The following TMEFF2 variants were observed in gnomAD, a reference collection of about 807,000 sequenced individuals.
The protein encoded by TMEFF2 is transmembrane protein with EGF like and two follistatin like domains 2.
Under a neutral mutation model 53.8 loss-of-function variants are expected in TMEFF2, and 28 were observed. The observed-to-expected ratio is 0.52, with a 90% CI of 0.39 to 0.71. The LOEUF (loss-of-function observed/expected upper bound fraction) is 0.71, where lower values mean the gene tolerates loss of function less well. TMEFF2 is among the 30% of genes least tolerant of loss of function. The pLI is 0.00. For synonymous variants in TMEFF2, 162 were observed against 166.3 expected (o/e 0.97, Z 0.20); for missense variants, 353 against 455.2 (o/e 0.78, Z 2.04).
chr2:191,950,066 GA>G lies in TMEFF2; in HGVS notation c.*244del. ...TTATATATAACAAATACATGGGAAA[GA>G]AAAAACTATATTGTGTGATATAAAT... On this transcript the variant is annotated 3_prime_UTR_variant, in exon 10 of 10. Transcript: ENST00000272771. 8.2e-7 allele frequency: 1 copy of G among 1,215,728 alleles called. No homozygotes were observed. The highest frequency in any genetic ancestry group is 1.6e-5 in the African/African-American group (1 of 64,494). The allele number at this position is 1,215,728 out of a possible 1,614,324, so 75.3% of individuals were successfully genotyped here.
At chr2:191,951,137 G>A (rs10197501) in intron 9 of TMEFF2, among the ~76,000 whole-genome samples, 42,657 of 151,716 alleles carry the variant, frequency 0.28, 6,127 homozygotes, top group African/African-American at 0.31. Context: ...TATATATCAC[G>A]TGTGTATATG....
intron 4 of TMEFF2, 26 bp from the exon 5 acceptor site, chr2:192,057,801 G>C: frequency 6.4e-7 from 1 of 1,568,346 alleles, no homozygotes; most frequent in Non-Finnish European, 8.8e-7. Context: ...ACAGTAAAAG[G>C]AATTCAGGTA....
intron 5 of TMEFF2, chr2:192,031,253 GCTTA>G (rs1196206961): frequency 3.3e-5 from 5 of 151,894 alleles, no homozygotes; most frequent in African/African-American, 1.2e-4. Context: ...CTACATATAT[GCTTA>G]CTTATTTATC....
At chr2:192,039,045 GC>G (rs535459438) in intron 5 of TMEFF2, among the ~76,000 whole-genome samples, 38 of 151,008 alleles carry the variant, frequency 2.5e-4, no homozygotes, top group African/African-American at 7.5e-4. Context: ...GATATTTCCC[GC>G]CCCCCCCATC....
In TMEFF2 at chr2:191,949,640, A is replaced by ATAT; in HGVS notation, c.*668_*670dup. ...TAAGCTACTTCCCCAATAAAAACCA[A>ATAT]TATTTTCTTTCCCTCTCCTTTATGA... On this transcript the variant is annotated 3_prime_UTR_variant, in exon 10 of 10. Transcript: ENST00000272771. 1 of 985,256 alleles carries ATAT rather than the reference A, an allele frequency of 1.0e-6. No homozygotes were observed. The highest frequency in any genetic ancestry group is 4.7e-5 in the South Asian group (1 of 21,278). 61.0% of individuals were successfully genotyped at this position (985,256 alleles called of 1,614,324 possible). A position where few individuals can be genotyped will look rare whatever the true frequency, so the allele number is the denominator to read the frequency against.
At chr2:192,182,067 G>T (rs1465053075) in intron 3 of TMEFF2, among the ~76,000 whole-genome samples, 2 of 151,686 alleles carry the variant, frequency 1.3e-5, no homozygotes, top group African/African-American at 2.4e-5. Flanking sequence ...AAGGCAAAAA[G>T]TTAAATTGAC....
chr2:192,153,882 A>T (rs538402734), intron 4 of TMEFF2, among the ~76,000 whole-genome samples: 1 of 151,954 alleles, frequency 6.6e-6, no homozygotes, highest in East Asian at 1.9e-4. Flanking sequence ...CACAGGTTCA[A>T]TCATTAAATA....
chr2:191,957,936 T>C (rs1692156406), intron 7 of TMEFF2, among the ~76,000 whole-genome samples: 1 of 152,220 alleles, frequency 6.6e-6, no homozygotes, highest in African/African-American at 2.4e-5. Context: ...ACTTTTTTGG[T>C]TTCTTCCCTC....
At chr2:192,143,838 T>C (rs547959501) in intron 4 of TMEFF2, among the ~76,000 whole-genome samples, 1 of 152,314 alleles carries the variant, frequency 6.6e-6, no homozygotes, top group African/African-American at 2.4e-5. Context: ...TTCTCAGTGA[T>C]ATTTTTAATA....
chr2:192,109,719 T>C (rs890335651), intron 4 of TMEFF2, among the ~76,000 whole-genome samples: 25 of 152,134 alleles, frequency 1.6e-4, no homozygotes, highest in Admixed American at 1.3e-3. Flanking sequence ...AAGTAGGAAC[T>C]TCAATTAGAA....
At chr2:192,015,891 A>G (rs531955484) in intron 5 of TMEFF2, among the ~76,000 whole-genome samples, 2 of 152,308 alleles carry the variant, frequency 1.3e-5, no homozygotes, top group South Asian at 2.1e-4. Flanking sequence ...AGTTCAAGCA[A>G]TCACTGTCAG....
intron 5 of TMEFF2, among the ~76,000 whole-genome samples, chr2:192,050,504 AGTT>A (rs988410746): frequency 2.0e-5 from 3 of 151,806 alleles, no homozygotes; most frequent in South Asian, 2.1e-4. Context: ...AGGGGTGGTT[AGTT>A]GTTGTTGGTG....
At chr2:192,087,903 C>T (rs756093811) in intron 4 of TMEFF2, among the ~76,000 whole-genome samples, 1 of 152,060 alleles carries the variant, frequency 6.6e-6, no homozygotes, top group Non-Finnish European at 1.5e-5. Context: ...TTTATTAAAC[C>T]AAAAGTAAAT....
At chr2:192,179,175 A>G (rs1005058405) in intron 4 of TMEFF2, 6 of 151,656 alleles carry the variant, frequency 4.0e-5, no homozygotes, top group Non-Finnish European at 5.9e-5. Context: ...ACTTCATTTT[A>G]TCTTTTTCAC....
At chr2:192,026,396 A>G (rs1359075763) in intron 5 of TMEFF2, among the ~76,000 whole-genome samples, 2 of 152,194 alleles carry the variant, frequency 1.3e-5, no homozygotes, top group African/African-American at 2.4e-5. Context: ...CTGTGTGTCA[A>G]TGCACATTAA....
At chr2:192,136,005 G>T (rs374811352) in intron 4 of TMEFF2, among the ~76,000 whole-genome samples, 1 of 150,938 alleles carries the variant, frequency 6.6e-6, no homozygotes, top group East Asian at 1.9e-4. Flanking sequence ...ATCTCCCTTC[G>T]CTGACTCTCT....
intron 2 of TMEFF2, among the ~76,000 whole-genome samples, chr2:192,185,967 G>A (rs2106042428): frequency 6.6e-6 from 1 of 152,110 alleles, no homozygotes; most frequent in East Asian, 1.9e-4. Context: ...ATATTAAGAT[G>A]ACCATAATTA....
At chr2:192,006,292 G>A (rs1686499914) in intron 5 of TMEFF2, among the ~76,000 whole-genome samples, 1 of 152,070 alleles carries the variant, frequency 6.6e-6, no homozygotes, top group Admixed American at 6.5e-5. Flanking sequence ...TGGGAATACT[G>A]GTCCTCACTG....
chr2:192,107,926 A>T (rs1689188499), intron 4 of TMEFF2, among the ~76,000 whole-genome samples: 1 of 151,172 alleles, frequency 6.6e-6, no homozygotes, highest in South Asian at 2.1e-4. Flanking sequence ...TTCTAATTCT[A>T]TACAAAGATA....
Sources: gnomAD v4.1 joint callset for allele counts (sites outside exome capture counted in the v4.1 genomes callset) on GRCh38, gnomAD v4.1.1 for gene constraint, MANE v1.5 for transcripts, NCBI Gene and HGNC (gene_info 2026-07-23, HGNC 2026-07-21) for gene names.